The following DPP6 variants were observed in gnomAD, a reference collection of about 807,000 sequenced individuals.
The protein encoded by DPP6 is dipeptidyl peptidase like 6.
DPP6 carries 69 observed loss-of-function variants against 122.6 expected under a neutral mutation model. The observed-to-expected ratio is 0.56, with a 90% CI of 0.46 to 0.69. DPP6 has a LOEUF of 0.69. DPP6 is among the 30% of genes least tolerant of loss of function. DPP6 has a pLI of 0.00. For missense variants in DPP6, 928 were observed against 1,116.9 expected, an observed-to-expected ratio of 0.83 and a Z score of 2.41; for synonymous variants, 418 against 433.1, an observed-to-expected ratio of 0.97 and a Z score of 0.43.
intron 1 of DPP6, among the ~76,000 whole-genome samples, chr7:154,426,789 G>A (rs1817950207): frequency 7.8e-6 from 1 of 128,752 alleles, no homozygotes; most frequent in African/African-American, 3.0e-5. Flanking sequence ...AGCCGAGTAA[G>A]TTATTTGGTA....
intron 5 of DPP6, among the ~76,000 whole-genome samples, chr7:154,635,533 G>A (rs956623892): frequency 2.0e-5 from 3 of 152,148 alleles, no homozygotes; most frequent in African/African-American, 7.2e-5. Context: ...GTTTTCTCTG[G>A]ATTTAAACTA....
intron 1 of DPP6, among the ~76,000 whole-genome samples, chr7:154,318,805 C>T (rs7800477): frequency 6.6e-6 from 1 of 152,114 alleles, no homozygotes; most frequent in African/African-American, 2.4e-5. Context: ...CCCACCCCCC[C>T]CAAGCCATGG....
At chr7:153,871,136 C>A in the DPP6 span, among the ~76,000 whole-genome samples, 1 of 152,320 alleles carries the variant, frequency 6.6e-6, no homozygotes, top group African/African-American at 2.4e-5. Context: ...ATTCTCAGAT[C>A]CCAAGCTGCG....
At chr7:154,688,272 G>A (rs762241273) in intron 7 of DPP6, among the ~76,000 whole-genome samples, 27 of 152,266 alleles carry the variant, frequency 1.8e-4, no homozygotes, top group Middle Eastern at 6.8e-3. Flanking sequence ...ACCAATGGAG[G>A]GAGAATTTAT....
the DPP6 span, among the ~76,000 whole-genome samples, chr7:153,775,891 A>G: frequency 6.6e-6 from 1 of 152,230 alleles, no homozygotes; most frequent in African/African-American, 2.4e-5. Context: ...GTATGCTGAA[A>G]TGTATAAAAC....
At chr7:153,893,701 A>G (rs1799298427) in intron 1 of DPP6, among the ~76,000 whole-genome samples, 1 of 152,254 alleles carries the variant, frequency 6.6e-6, no homozygotes, top group Non-Finnish European at 1.5e-5. Context: ...CAAATAAAAT[A>G]TAGAGAGCAA....
chr7:154,726,925 A>T (rs1842094367), intron 7 of DPP6, among the ~76,000 whole-genome samples: 1 of 152,220 alleles, frequency 6.6e-6, no homozygotes, highest in Non-Finnish European at 1.5e-5. Flanking sequence ...TTCATTGTCT[A>T]TATCACTATC....
intron 5 of DPP6, among the ~76,000 whole-genome samples, chr7:154,613,545 G>T (rs1834037410): frequency 7.1e-6 from 1 of 139,994 alleles, no homozygotes; most frequent in Non-Finnish European, 1.5e-5. Flanking sequence ...CTTGAACCCA[G>T]GAGGCAGAGG....
intron 1 of DPP6, among the ~76,000 whole-genome samples, chr7:154,072,059 G>A (rs1563168484): frequency 1.3e-5 from 2 of 152,228 alleles, no homozygotes; most frequent in African/African-American, 2.4e-5. Context: ...CCAGAGGGCA[G>A]AGTGTACTGA....
At chr7:154,715,168 G>A (rs1841412028) in intron 7 of DPP6, among the ~76,000 whole-genome samples, 1 of 152,148 alleles carries the variant, frequency 6.6e-6, no homozygotes, top group African/African-American at 2.4e-5. Context: ...CCAGGTTCAA[G>A]TGAATCTCCT....
At chr7:153,969,668 C>CT (rs1272268610) in intron 1 of DPP6, among the ~76,000 whole-genome samples, 3 of 149,294 alleles carry the variant, frequency 2.0e-5, no homozygotes, top group Non-Finnish European at 4.4e-5. Flanking sequence ...TTTTTCTATA[C>CT]TTTTTTGTGT....
intron 8 of DPP6, among the ~76,000 whole-genome samples, chr7:154,740,753 G>A (rs1249930094): frequency 6.6e-6 from 1 of 152,036 alleles, no homozygotes; most frequent in African/African-American, 2.4e-5. Context: ...TGGGCACGTG[G>A]GTATCTCGGC....
chr7:154,186,951 G>A (rs1486449193), intron 1 of DPP6, among the ~76,000 whole-genome samples: 1 of 152,200 alleles, frequency 6.6e-6, no homozygotes, highest in Non-Finnish European at 1.5e-5. Context: ...ACAGCTGAAG[G>A]CTGACTGGGC....
Position 154,078,660 on chromosome 7 carries a change from GA to G in DPP6, c.243+25598del, listed in dbSNP as rs571102018. 1.8e-4 allele frequency among the ~76,000 whole-genome samples: 28 copies of G among 152,146 alleles called. No homozygotes were observed. In the South Asian group the frequency reaches 5.6e-3, roughly 31 times the overall value. ...TATTTGGAGGCTAGAAAGATTTGGG[GA>G]TTTTTTTTGTTGTTGTTAAAATATC... On this transcript the variant is annotated intron_variant, in intron 1 of 25. Transcript: ENST00000377770.
At chr7:154,016,895 G>T (rs1798442853) in intron 1 of DPP6, among the ~76,000 whole-genome samples, 1 of 152,144 alleles carries the variant, frequency 6.6e-6, no homozygotes, top group Non-Finnish European at 1.5e-5. Flanking sequence ...CAAGAAGTAG[G>T]TGGGCAAGGA....
At chr7:154,020,111 A>AAAC (rs1798626290) in intron 1 of DPP6, among the ~76,000 whole-genome samples, 1 of 150,632 alleles carries the variant, frequency 6.6e-6, no homozygotes. Context: ...CACACACACA[A>AAAC]ACACACACAC....
chr7:154,341,352 T>C (rs1360563903), intron 1 of DPP6, among the ~76,000 whole-genome samples: 1 of 152,092 alleles, frequency 6.6e-6, no homozygotes, highest in Non-Finnish European at 1.5e-5. Flanking sequence ...GGAGAGGTGG[T>C]TATGTAGGAC....
chr7:154,793,987 C>G (rs1797848784), intron 10 of DPP6, 92 bp from the exon 11 acceptor site: 1 of 1,508,302 alleles, frequency 6.6e-7, no homozygotes, highest in Admixed American at 2.0e-5. Flanking sequence ...CCCCGGCTCC[C>G]GTGTCGTGTC....
At chr7:153,885,180 A>C (rs906084397), upstream of DPP6, among the ~76,000 whole-genome samples, 6 of 151,712 alleles carry the variant, frequency 4.0e-5, no homozygotes, top group Non-Finnish European at 7.4e-5. Context: ...CAAAAGAACC[A>C]TATTAACCCT....
Sources: allele counts gnomAD v4.1 joint callset (sites outside exome capture counted in the v4.1 genomes callset), GRCh38; gene constraint gnomAD v4.1.1; transcripts MANE v1.5; gene names NCBI Gene and HGNC (gene_info 2026-07-23, HGNC 2026-07-21).